ZNRF3: variants seen among roughly 807,000 people sequenced by gnomAD.
ZNRF3 encodes the protein E3 ubiquitin-protein ligase ZNRF3.
ZNRF3 carries 23 observed loss-of-function variants against 72.5 expected under a neutral mutation model. The ratio of observed to expected loss-of-function variants is 0.32; its 90% CI spans 0.23 to 0.45. The LOEUF (loss-of-function observed/expected upper bound fraction) is 0.45, where lower values mean the gene tolerates loss of function less well. Ranked by LOEUF, ZNRF3 falls within the 20% of genes least tolerant of loss-of-function variation. ZNRF3 has a pLI of 1.00. For missense variants in ZNRF3, 1,169 were observed against 1,272.1 expected (o/e 0.92, Z 1.23); for synonymous variants, 610 against 545.3 (o/e 1.12, Z -1.65).
intron 1 of ZNRF3, among the ~76,000 whole-genome samples, chr22:28,921,220 C>A (rs1346858776): frequency 6.6e-6 from 1 of 152,266 alleles, no homozygotes; most frequent in Non-Finnish European, 1.5e-5. Flanking sequence ...GGAAGCCCCC[C>A]CCACCCCTAG....
At chr22:29,040,472 T>A (rs1440075208) in intron 2 of ZNRF3, among the ~76,000 whole-genome samples, 1 of 151,764 alleles carries the variant, frequency 6.6e-6, no homozygotes, top group Non-Finnish European at 1.5e-5. Context: ...TAAGCCACCA[T>A]GCCCAGCCAT....
At chr22:28,976,404 C>T (rs1189682758) in intron 1 of ZNRF3, among the ~76,000 whole-genome samples, 1 of 152,078 alleles carries the variant, frequency 6.6e-6, no homozygotes, top group African/African-American at 2.4e-5. Context: ...TGCCTGTAAT[C>T]CCAACTACCT....
chr22:28,959,618 T>C lies in ZNRF3; in HGVS notation c.301-27458T>C, dbSNP rs140263399. Among the ~76,000 whole-genome samples the C allele has an allele frequency of 5.3e-3, 803 of 152,378 alleles. 17 individuals are homozygous for C. Among genetic ancestry groups the C allele is most frequent in the Admixed American group, 0.031 (477 of 15,306 alleles). ...ATCTTGAGTTGTGATTTCTGTCATG[T>C]AGACAAGTATGATGGACCGAATATT... On this transcript the variant is annotated intron_variant, in intron 1 of 8. Transcript: ENST00000544604.
intron 1 of ZNRF3, among the ~76,000 whole-genome samples, chr22:28,925,170 T>C (rs1379106374): frequency 6.6e-6 from 1 of 151,982 alleles, no homozygotes; most frequent in African/African-American, 2.4e-5. Flanking sequence ...CCAAACGGAG[T>C]CAGCTTGTTG....
chr22:28,915,884 A>G (rs975138472), intron 1 of ZNRF3, among the ~76,000 whole-genome samples: 3 of 152,184 alleles, frequency 2.0e-5, no homozygotes, highest in Non-Finnish European at 4.4e-5. Flanking sequence ...ATCCAGTGCT[A>G]ACTTTATGTC....
chr22:29,012,248 A>G (rs1451071252), intron 2 of ZNRF3, among the ~76,000 whole-genome samples: 2 of 152,220 alleles, frequency 1.3e-5, no homozygotes, highest in Non-Finnish European at 2.9e-5. Flanking sequence ...GTCCAATTGA[A>G]TGGGTGTGGA....
At chr22:28,959,246 G>C (rs2035313536) in intron 1 of ZNRF3, among the ~76,000 whole-genome samples, 1 of 152,200 alleles carries the variant, frequency 6.6e-6, no homozygotes. Flanking sequence ...CTTAGCTGTG[G>C]AACCCAGGTG....
chr22:28,910,640 T>G (rs1478338502), intron 1 of ZNRF3, among the ~76,000 whole-genome samples: 1 of 152,192 alleles, frequency 6.6e-6, no homozygotes, highest in Non-Finnish European at 1.5e-5. Flanking sequence ...AATGCTGGCC[T>G]CCTCCTGCAT....
intron 1 of ZNRF3, among the ~76,000 whole-genome samples, chr22:28,949,230 G>C (rs1467605448): frequency 6.6e-6 from 1 of 151,432 alleles, no homozygotes; most frequent in East Asian, 2.0e-4. Context: ...CATCTGCCTC[G>C]GCTTCCCAAA....
intron 2 of ZNRF3, chr22:29,031,656 G>A (rs2036760133): frequency 1.0e-6 from 1 of 984,014 alleles, no homozygotes; most frequent in South Asian, 4.7e-5. Context: ...TCCACTTAGT[G>A]GCCTCCAGAG....
At chr22:28,932,921 T>C (rs2034734234) in intron 1 of ZNRF3, among the ~76,000 whole-genome samples, 1 of 152,234 alleles carries the variant, frequency 6.6e-6, no homozygotes, top group African/African-American at 2.4e-5. Context: ...TTCTCTCTGA[T>C]CTTTCCCATG....
rs1256124895 is a variant in ZNRF3, at chr22:29,050,470, C to T, written c.2289C>T (p.Pro763=). The T allele has an allele frequency of 5.6e-6, 9 of 1,612,502 alleles. No individual in the cohort carries two copies. The highest frequency in any genetic ancestry group is 1.7e-5 in the Admixed American group (1 of 60,004). Residue 763 remains proline, a synonymous_variant, in exon 8 of 9, where the codon CCC becomes CCT. Transcript: ENST00000544604. ...GSSQGLYGLH[P]DHLPRTDGVK... is the part of the protein sequence containing the mutation. ...CCCAGGGCTTGTACGGCCTTCACCC[C>T]GACCATTTGCCCAGGACAGATGGGG... is the stretch of plus-strand genomic sequence containing the variant.
At chr22:29,001,363 T>G (rs1041589770) in intron 2 of ZNRF3, among the ~76,000 whole-genome samples, 1 of 152,106 alleles carries the variant, frequency 6.6e-6, no homozygotes, top group Non-Finnish European at 1.5e-5. Flanking sequence ...TTCTTTACTC[T>G]AGACATAAGT....
At chr22:28,885,713 TTGTC>T (rs1484227231) in intron 1 of ZNRF3, among the ~76,000 whole-genome samples, 10 of 152,188 alleles carry the variant, frequency 6.6e-5, no homozygotes, top group East Asian at 3.8e-4. Flanking sequence ...CAACAGTAGT[TTGTC>T]TGGTGAGCGA....
Position 29,044,804 on chromosome 22 carries a change from G to C in ZNRF3, c.658G>C (p.Gly220Arg). 1 of 1,614,052 alleles carries C rather than the reference G, an allele frequency of 6.2e-7. No individual in the cohort carries two copies. Among genetic ancestry groups the C allele is most frequent in the Non-Finnish European group, 8.5e-7 (1 of 1,179,984 alleles). The change falls in exon 5 of 9, where the codon GGG becomes CGG. Residue 220 changes from glycine to arginine, a missense_variant. Physicochemically the swap from Gly to Arg is moderately radical, Grantham distance 125. This residue lies in a region of ZNRF3 where 386 missense variants were observed against 540.7 expected (regional missense o/e 0.71). Transcript: ENST00000544604. ...GCAACCCACTGAATACTTTGACATG[G>C]GGATTTTCCTGGCTTTCTTCGTCGT... ...PRQPTEYFDM[G>R]IFLAFFVVVS...
At chr22:29,047,527 G>T (rs1392269533) in intron 6 of ZNRF3, among the ~76,000 whole-genome samples, 2 of 152,232 alleles carry the variant, frequency 1.3e-5, no homozygotes, top group African/African-American at 4.8e-5. Context: ...TTCTTACACA[G>T]ACTCTGGGTT....
At chr22:28,985,113 C>G (rs908283761) in intron 1 of ZNRF3, among the ~76,000 whole-genome samples, 2 of 152,126 alleles carry the variant, frequency 1.3e-5, no homozygotes, top group African/African-American at 2.4e-5. Flanking sequence ...TGGCCTGCAC[C>G]CTTTGCCCTC....
chr22:29,043,886 T>C (rs546597881), intron 4 of ZNRF3, among the ~76,000 whole-genome samples: 16 of 152,338 alleles, frequency 1.1e-4, no homozygotes, highest in African/African-American at 3.6e-4. Flanking sequence ...CCAAGTTAAT[T>C]TGAGTCTGGA....
At position 28,883,572 on chromosome 22, in the gene ZNRF3, G is replaced by A. The variant is rs2033705408; in HGVS notation, c.-195G>A. 6 of 426,260 alleles carry A rather than the reference G, an allele frequency of 1.4e-5. No homozygotes were observed. The highest frequency in any genetic ancestry group is 1.6e-5 in the Non-Finnish European group (5 of 318,994). The allele number at this position is 426,260 out of a possible 1,614,324, so 26.4% of individuals were successfully genotyped here. The stretch of plus-strand genomic sequence containing the variant: ...CGGGTCACGACGCTGCCGGGGCGGG[G>A]ATAACCCCTCACGTGGAGCAGATGA... On this transcript the variant is annotated 5_prime_UTR_variant, in exon 1 of 9. Coordinates refer to ENST00000544604, the MANE Select transcript of ZNRF3 (RefSeq NM_001206998.2). This position sits in a 1 kb window ranked among gnomAD's most constrained non-coding sequence, Gnocchi z 5.5.
Sources: gnomAD v4.1 joint callset for allele counts (sites outside exome capture counted in the v4.1 genomes callset) on GRCh38, gnomAD v4.1.1 for gene constraint, gnomAD v4.1.1 regional missense constraint, Gnocchi (gnomAD v3.1) non-coding constraint, MANE v1.5 for transcripts, NCBI Gene and HGNC (gene_info 2026-07-23, HGNC 2026-07-21) for gene names.